The following GTF3C1 variants were observed in gnomAD, a reference collection of about 807,000 sequenced individuals.
GTF3C1 encodes general transcription factor IIIC subunit 1.
GTF3C1 carries 57 observed loss-of-function variants against 226.7 expected under a neutral mutation model. The observed-to-expected ratio is 0.25, with a 90% CI of 0.20 to 0.31. The LOEUF is 0.31. Among genes scored for constraint, GTF3C1 ranks in the 10% least tolerant of loss-of-function variants. The pLI, the probability that GTF3C1 is intolerant of heterozygous loss-of-function variation, is 1.00. For synonymous variants in GTF3C1, 1,090 were observed against 1,084.8 expected (o/e 1.00, Z -0.09); for missense variants, 2,217 against 2,776.1 (o/e 0.80, Z 4.53).
intron 32 of GTF3C1, among the ~76,000 whole-genome samples, chr16:27,467,608 G>A (rs1370322353): frequency 6.6e-6 from 1 of 152,152 alleles, no homozygotes; most frequent in African/African-American, 2.4e-5. Flanking sequence ...AGTGGCTCAC[G>A]CCTGTAATCC....
At position 27,469,638 on chromosome 16, in the gene GTF3C1, C is replaced by T; in HGVS notation, c.4815-88G>A. ...CCCCTCCCTCAAGAGGCCTCTGTGG[C>T]TGGGCTTCAGCAGTGGCCCCAGCAA... is the stretch of plus-strand genomic sequence containing the variant. On this transcript the variant is annotated intron_variant, in intron 31 of 36. Transcript: ENST00000356183. The surrounding 1 kb of genome is among the most constrained non-coding windows in gnomAD (Gnocchi z 4.5). The T allele has an allele frequency of 6.8e-7, 1 of 1,465,642 alleles. No individual in the cohort carries two copies. The highest frequency in any genetic ancestry group is 1.3e-5 in the South Asian group (1 of 78,898). 90.8% of individuals were successfully genotyped at this position (1,465,642 alleles called of 1,614,324 possible). A position where few individuals can be genotyped will look rare whatever the true frequency, so the allele number is the denominator to read the frequency against.
At chr16:27,531,137 G>A (rs2088910854) in intron 5 of GTF3C1, among the ~76,000 whole-genome samples, 1 of 152,050 alleles carries the variant, frequency 6.6e-6, no homozygotes, top group African/African-American at 2.4e-5. Flanking sequence ...CACCACCCCT[G>A]GCTAATAACT....
chr16:27,519,864 T>C (rs2088718466), intron 6 of GTF3C1, among the ~76,000 whole-genome samples: 1 of 152,004 alleles, frequency 6.6e-6, no homozygotes, highest in Admixed American at 6.5e-5. Context: ...CCCAGCACTT[T>C]GGGAGGACAA....
chr16:27,508,824 A>T (rs1197343459), intron 7 of GTF3C1, among the ~76,000 whole-genome samples, 169 bp from the exon 8 acceptor site: 4 of 152,168 alleles, frequency 2.6e-5, no homozygotes, highest in African/African-American at 4.8e-5. Context: ...TTCCCTCCCA[A>T]GCCTCTGAGT....
chr16:27,514,871 T>C (rs1440234903), intron 6 of GTF3C1, among the ~76,000 whole-genome samples: 3 of 152,130 alleles, frequency 2.0e-5, no homozygotes, highest in Non-Finnish European at 2.9e-5. Context: ...ATTCAAAACG[T>C]CCCTGTGACT....
intron 6 of GTF3C1, among the ~76,000 whole-genome samples, chr16:27,517,783 A>G (rs1427625695): frequency 6.6e-6 from 1 of 152,214 alleles, no homozygotes; most frequent in East Asian, 1.9e-4. Flanking sequence ...TTACTTACTC[A>G]TCACGTGGCT....
intron 25 of GTF3C1, 112 bp downstream of exon 25, chr16:27,484,099 G>C (rs1465464287): frequency 1.0e-5 from 8 of 795,000 alleles, no homozygotes; most frequent in Non-Finnish European, 1.7e-5. Context: ...TCCAACACTT[G>C]GCCAGCCCAT....
chr16:27,528,898 A>C (rs974925977), intron 5 of GTF3C1, among the ~76,000 whole-genome samples, 177 bp from the exon 6 acceptor site: 21 of 152,206 alleles, frequency 1.4e-4, no homozygotes, highest in African/African-American at 4.8e-4. Context: ...CCAGAGCAGG[A>C]TATAAACGAT....
At chr16:27,549,463 C>T (rs1026131436) in intron 1 of GTF3C1, among the ~76,000 whole-genome samples, 2 of 152,182 alleles carry the variant, frequency 1.3e-5, no homozygotes, top group African/African-American at 4.8e-5. Context: ...ACTAGATTCT[C>T]CCCCTCCCCC....
At position 27,492,755 on chromosome 16, in the gene GTF3C1, T is replaced by G. The variant is rs2088252083; in HGVS notation, c.2877-42A>C. The G allele has an allele frequency of 9.2e-7, 1 of 1,087,994 alleles. No homozygotes were observed. The highest frequency in any genetic ancestry group is 1.5e-5 in the African/African-American group (1 of 65,152). The allele number at this position is 1,087,994 out of a possible 1,614,324, so 67.4% of individuals were successfully genotyped here. The stretch of plus-strand genomic sequence containing the variant: ...GCGGGAGGTTCTCATCACACCACAC[T>G]CGCAGCCGGCCGCAGGGGTCTGCAT... On this transcript the variant is annotated intron_variant, in intron 17 of 36. Transcript: ENST00000356183. This position sits in a 1 kb window ranked among gnomAD's most constrained non-coding sequence, Gnocchi z 5.0.
At chr16:27,515,224 C>T (rs1400426549) in intron 6 of GTF3C1, among the ~76,000 whole-genome samples, 4 of 152,116 alleles carry the variant, frequency 2.6e-5, no homozygotes, top group Non-Finnish European at 5.9e-5. Flanking sequence ...GTGGGCAGAT[C>T]ATTTGAGGTC....
chr16:27,508,470 T>C lies in GTF3C1; in HGVS notation c.1242+70A>G. The C allele has an allele frequency of 5.0e-6, 6 of 1,199,174 alleles. No homozygotes were observed. In the Admixed American group the frequency reaches 1.0e-4, roughly 21 times the overall value. 74.3% of individuals were successfully genotyped at this position (1,199,174 alleles called of 1,614,324 possible). On this transcript the variant is annotated intron_variant, in intron 8 of 36. Transcript: ENST00000356183. ...AGGCCATCGAGTCTTCTGACTGAGA[T>C]GCTCGTTCTCAAATACACTGCAAGC...
rs1364824635 is a variant in GTF3C1 at position 27,507,005 on chromosome 16, G to A, written c.1394C>T (p.Ser465Leu). 8.7e-6 allele frequency: 14 copies of A among 1,613,664 alleles called. No homozygotes were observed. In the Middle Eastern group the frequency reaches 8.2e-4, roughly 95 times the overall value. ...TVSLASMQEESLLPEGEDTFL... is the reference protein window; with the variant it reads ...TVSLASMQEELLLPEGEDTFL... ...GGTGTCCTCGCCTTCAGGCAGAAGC[G>A]ACTCCTCCTGCATAGACGCCAGGCT... Residue 465 changes from serine (S) to leucine (L), a missense_variant, in exon 9 of 37, where the codon TCG (serine) becomes TTG (leucine). Ser to Leu is a moderately radical substitution (Grantham distance 145). Around this residue, in one of 12 missense-constraint regions of GTF3C1, gnomAD observed 173 missense variants for 207.2 expected, o/e 0.83. Coordinates refer to ENST00000356183, the MANE Select transcript of GTF3C1 (RefSeq NM_001520.4). The surrounding 1 kb of genome is among the most constrained non-coding windows in gnomAD (Gnocchi z 4.9).
chr16:27,549,600 G>T (rs934387803), intron 1 of GTF3C1, 70 bp downstream of exon 1: 1 of 800,996 alleles, frequency 1.2e-6, no homozygotes, highest in East Asian at 2.7e-5. Flanking sequence ...CCCCCGCCCT[G>T]CCCCCAGCTC....
chr16:27,461,518 C>T lies in GTF3C1; in HGVS notation c.6162G>A (p.Lys2054=). 1 of 1,613,976 alleles carries T rather than the reference C, an allele frequency of 6.2e-7. No individual in the cohort carries two copies. The highest frequency in any genetic ancestry group is 2.2e-5 in the East Asian group (1 of 44,866). ...LGCIRKRWLR[K]PRPVSLFSTP... is the part of the protein sequence containing the mutation. ...TAGAGAAGAGCGAGACAGGCCTTGG[C>T]TTTCTCAGCCAGCGCTTCCGGATGC... Residue 2054 remains lysine, a synonymous_variant, in exon 37 of 37, where the codon AAG becomes AAA. Transcript: ENST00000356183. The surrounding 1 kb of genome is among the most constrained non-coding windows in gnomAD (Gnocchi z 5.3).
chr16:27,506,822 C>A, intron 9 of GTF3C1, 25 bp downstream of exon 9: 1 of 1,560,178 alleles, frequency 6.4e-7, no homozygotes, highest in Non-Finnish European at 8.7e-7. Context: ...GCACGCAGCC[C>A]CTGCCCACCC....
chr16:27,540,341 G>C (rs1019174286), intron 2 of GTF3C1, among the ~76,000 whole-genome samples: 1 of 152,144 alleles, frequency 6.6e-6, no homozygotes, highest in Non-Finnish European at 1.5e-5. Context: ...CACAAACTTA[G>C]GACCTATGCT....
intron 28 of GTF3C1, 65 bp downstream of exon 28, chr16:27,478,404 A>T (rs1167175314): frequency 8.8e-7 from 1 of 1,131,560 alleles, no homozygotes; most frequent in African/African-American, 1.5e-5. Flanking sequence ...CCCCAGTGCA[A>T]TAGGTTGTCA....
In GTF3C1 at chr16:27,502,742, C is replaced by T. The variant is rs1297929056; in HGVS notation, c.1907+117G>A. ...CGCAAAGGAACGAGATGAGAATCTA[C>T]ACAGTGGGACAGAGATTTGAATGCC... On this transcript the variant is annotated intron_variant, in intron 11 of 36. Transcript: ENST00000356183. The T allele has an allele frequency of 1.2e-5, 13 of 1,058,772 alleles. No individual in the cohort carries two copies. The Admixed American group carries it at 2.8e-4, about 23-fold the overall frequency. 65.6% of individuals were successfully genotyped at this position (1,058,772 alleles called of 1,614,324 possible). A position where few individuals can be genotyped will look rare whatever the true frequency, so the allele number is the denominator to read the frequency against.
Sources: allele counts gnomAD v4.1 joint callset (sites outside exome capture counted in the v4.1 genomes callset), GRCh38; gene constraint gnomAD v4.1.1; regional missense constraint gnomAD v4.1.1; non-coding constraint Gnocchi (gnomAD v3.1); transcripts MANE v1.5; gene names NCBI Gene and HGNC (gene_info 2026-07-23, HGNC 2026-07-21).